STMND1: variants seen among roughly 807,000 people sequenced by gnomAD.
STMND1 encodes the protein stathmin domain-containing protein 1.
In STMND1, 17 loss-of-function variants were observed where a neutral mutation model predicts 23.0. That is an observed-to-expected ratio of 0.74 (90% confidence interval 0.51 to 1.11). STMND1 has a LOEUF of 1.11. Among genes scored for constraint, STMND1 ranks in the 50% least tolerant of loss-of-function variants. The pLI, the probability that STMND1 is intolerant of heterozygous loss-of-function variation, is 0.00. For synonymous variants in STMND1, 114 were observed against 119.9 expected, an observed-to-expected ratio of 0.95 and a Z score of 0.32; for missense variants, 305 against 329.1, an observed-to-expected ratio of 0.93 and a Z score of 0.57.
intron 3 of STMND1, among the ~76,000 whole-genome samples, chr6:17,127,596 G>A (rs772667719): frequency 2.6e-5 from 4 of 152,104 alleles, no homozygotes; most frequent in Non-Finnish European, 4.4e-5. Flanking sequence ...AGCCCAGCCA[G>A]GATTCAAACC....
At chr6:17,104,403 A>T (rs1326623622) in intron 1 of STMND1, among the ~76,000 whole-genome samples, 1 of 152,096 alleles carries the variant, frequency 6.6e-6, no homozygotes, top group East Asian at 1.9e-4. Context: ...CGCCGTTATC[A>T]TTTGTTCCAT....
intron 3 of STMND1, chr6:17,128,394 C>G (rs1761336687): frequency 6.6e-6 from 1 of 152,218 alleles, no homozygotes; most frequent in Non-Finnish European, 1.5e-5. Flanking sequence ...GAACTAATCT[C>G]TATCCCAGAT....
chr6:17,102,872 A>G (rs1279526593), intron 1 of STMND1, among the ~76,000 whole-genome samples: 1 of 152,198 alleles, frequency 6.6e-6, no homozygotes, highest in African/African-American at 2.4e-5. Context: ...GAGATAGGCG[A>G]CTTGTCCGAG....
Position 17,102,173 on chromosome 6 carries a change from G to A in STMND1, c.-85G>A. 1 of 1,352,694 alleles carries A rather than the reference G, an allele frequency of 7.4e-7. No individual in the cohort carries two copies. Among genetic ancestry groups the A allele is most frequent in the Non-Finnish European group, 9.6e-7 (1 of 1,044,396 alleles). The allele number at this position is 1,352,694 out of a possible 1,614,324, so 83.8% of individuals were successfully genotyped here. A position where few individuals can be genotyped will look rare whatever the true frequency, so the allele number is the denominator to read the frequency against. The stretch of plus-strand genomic sequence containing the variant: ...TAGGGCGCAGGGCGCAGGAGCGCGG[G>A]ACCACCGGCGCCGGAGCGCGGCAGG... On this transcript the variant is annotated 5_prime_UTR_variant, in exon 1 of 5. Coordinates refer to ENST00000536551, the MANE Select transcript of STMND1 (RefSeq NM_001190766.2).
At chr6:17,120,803 A>G in intron 3 of STMND1, 45 bp downstream of exon 3, 1 of 1,415,090 alleles carries the variant, frequency 7.1e-7, no homozygotes. Flanking sequence ...TAAAATTAGC[A>G]ATAGAATATG....
At chr6:17,125,988 T>C (rs1473438902) in intron 3 of STMND1, among the ~76,000 whole-genome samples, 2 of 145,436 alleles carry the variant, frequency 1.4e-5, no homozygotes, top group Non-Finnish European at 3.0e-5. Flanking sequence ...CAATGTGTTG[T>C]TGTTTCCACT....
intron 1 of STMND1, among the ~76,000 whole-genome samples, chr6:17,102,614 G>A (rs74775313): frequency 0.042 from 6,341 of 152,246 alleles, 239 homozygotes; most frequent in East Asian, 0.16. Context: ...AGCCTTTGGT[G>A]TTTAAAGAGA....
intron 2 of STMND1, 46 bp downstream of exon 2, chr6:17,115,185 G>GTT: frequency 6.7e-7 from 1 of 1,487,126 alleles, no homozygotes; most frequent in Non-Finnish European, 8.9e-7. Context: ...ACAAAATACT[G>GTT]TTTCTCTAAA....
Position 17,102,342 on chromosome 6 carries a change from A to G in STMND1, c.81+4A>G. The G allele has an allele frequency of 6.5e-7, 1 of 1,532,816 alleles. No individual in the cohort carries two copies. Among genetic ancestry groups the G allele is most frequent in the Non-Finnish European group, 8.7e-7 (1 of 1,146,366 alleles). The allele number at this position is 1,532,816 out of a possible 1,614,324, so 95.0% of individuals were successfully genotyped here. On this transcript the variant is annotated splice_donor_region_variant and intron_variant, in intron 1 of 4. Coordinates refer to ENST00000536551, the MANE Select transcript of STMND1 (RefSeq NM_001190766.2). ...GGGCTGGAAAGAGGAATTCAAGGTA[A>G]TAAACAAACAAACAAACAAACAAAC...
intron 1 of STMND1, among the ~76,000 whole-genome samples, chr6:17,107,532 A>T (rs1761041325): frequency 6.6e-6 from 1 of 152,092 alleles, no homozygotes; most frequent in Non-Finnish European, 1.5e-5. Context: ...TCCCCTCCCC[A>T]AGTATCATTA....
intron 2 of STMND1, among the ~76,000 whole-genome samples, chr6:17,118,894 C>T (rs549281079): frequency 6.6e-6 from 1 of 152,296 alleles, no homozygotes; most frequent in East Asian, 1.9e-4. Context: ...AATAACAGCA[C>T]TCTCAGAGTT....
intron 1 of STMND1, among the ~76,000 whole-genome samples, chr6:17,114,502 G>T (rs1318855998): frequency 6.6e-6 from 1 of 152,118 alleles, no homozygotes; most frequent in East Asian, 1.9e-4. Context: ...CTGACCTCAG[G>T]TGATCCACCC....
chr6:17,124,237 A>G (rs1761267527), intron 3 of STMND1, among the ~76,000 whole-genome samples: 1 of 152,210 alleles, frequency 6.6e-6, no homozygotes, highest in Admixed American at 6.5e-5. Flanking sequence ...TAAATAAAAT[A>G]TTATGGGAAA....
Sources: allele counts gnomAD v4.1 joint callset (sites outside exome capture counted in the v4.1 genomes callset), GRCh38; gene constraint gnomAD v4.1.1; transcripts MANE v1.5; gene names NCBI Gene and HGNC (gene_info 2026-07-23, HGNC 2026-07-21).